The following SPTBN2 variants were observed in gnomAD, a reference collection of about 807,000 sequenced individuals.
SPTBN2 encodes the protein spectrin beta, non-erythrocytic 2, also known as spectrin beta chain, non-erythrocytic 2.
SPTBN2 carries 107 observed loss-of-function variants against 284.2 expected under a neutral mutation model. The observed-to-expected ratio is 0.38, with a 90% CI of 0.32 to 0.44. SPTBN2 has a LOEUF of 0.44. Among genes scored for constraint, SPTBN2 ranks in the 20% least tolerant of loss-of-function variants. SPTBN2 has a pLI of 1.00. For synonymous variants in SPTBN2, 1,289 were observed against 1,354.8 expected (o/e 0.95, Z 1.07); for missense variants, 2,569 against 3,287.1 (o/e 0.78, Z 5.34).
At chr11:66,724,740 T>A (rs1286645161) in intron 1 of SPTBN2, among the ~76,000 whole-genome samples, 2 of 152,180 alleles carry the variant, frequency 1.3e-5, no homozygotes, top group Non-Finnish European at 2.9e-5. Flanking sequence ...TTCAGCTTCA[T>A]GGAACCAGTT....
Position 66,715,419 on chromosome 11 carries a change from G to A in SPTBN2, c.310-24C>T, listed in dbSNP as rs1441738808. 6.2e-7 allele frequency: 1 copy of A among 1,600,456 alleles called. No individual in the cohort carries two copies. Among genetic ancestry groups the A allele is most frequent in the South Asian group, 1.1e-5 (1 of 89,578 alleles). On this transcript the variant is annotated intron_variant, in intron 4 of 37. Coordinates refer to ENST00000533211, the MANE Select transcript of SPTBN2 (RefSeq NM_006946.4). This position sits in a 1 kb window ranked among gnomAD's most constrained non-coding sequence, Gnocchi z 5.3. The stretch of plus-strand genomic sequence containing the variant: ...GGCTGTGGAGGGACGGGGGCAAAAT[G>A]GCACGGGACTGTGGGCTTCCACCTT...
At position 66,696,552 on chromosome 11, in the gene SPTBN2, G is replaced by A. The variant is rs1940925070; in HGVS notation, c.4015-12C>T. On this transcript the variant is annotated splice_polypyrimidine_tract_variant and intron_variant, in intron 20 of 37. Transcript: ENST00000533211. ...AGCTCTCGCCCTTCCTGGAAGGCAGGACAGAAAATGTCAAAGTGCCCAAAT... is the reference window on the plus strand; with the variant it reads ...AGCTCTCGCCCTTCCTGGAAGGCAGAACAGAAAATGTCAAAGTGCCCAAAT... 2 of 1,609,894 alleles carry A rather than the reference G, an allele frequency of 1.2e-6. No homozygotes were observed. The highest frequency in any genetic ancestry group is 1.7e-6 in the Non-Finnish European group (2 of 1,180,008).
Position 66,693,109 on chromosome 11 carries a change from A to C in SPTBN2, c.4855-9T>G. 1 of 1,614,210 alleles carries C rather than the reference A, an allele frequency of 6.2e-7. No individual in the cohort carries two copies. Among genetic ancestry groups the C allele is most frequent in the Non-Finnish European group, 8.5e-7 (1 of 1,180,036 alleles). ...TGGGCACTCAGCTCATCCTGGGGGAAGGGACAGTGGCATCCAGCATCAGGT... is the reference window on the plus strand; with the variant it reads ...TGGGCACTCAGCTCATCCTGGGGGACGGGACAGTGGCATCCAGCATCAGGT... On this transcript the variant is annotated splice_polypyrimidine_tract_variant and intron_variant, in intron 24 of 37. Coordinates refer to ENST00000533211, the MANE Select transcript of SPTBN2 (RefSeq NM_006946.4). This position sits in a 1 kb window ranked among gnomAD's most constrained non-coding sequence, Gnocchi z 5.7.
chr11:66,710,625 G>A lies in SPTBN2; in HGVS notation c.1030C>T (p.Leu344=). ...ANSLSGVQNQ[L]QSFNSYRTVE... ...GTGCGGTAGGAGTTGAAGGACTGCA[G>A]CTGGTTCTGGACCCCGCTAAGGGAG... The change falls in exon 10 of 38, where the codon CTG becomes TTG. Residue 344 remains leucine (L), a synonymous_variant. Transcript: ENST00000533211. The surrounding 1 kb of genome is among the most constrained non-coding windows in gnomAD (Gnocchi z 4.9). 6.2e-7 allele frequency: 1 copy of A among 1,614,108 alleles called. No individual in the cohort carries two copies. The highest frequency in any genetic ancestry group is 1.7e-5 in the Admixed American group (1 of 60,016).
At chr11:66,737,820 AGAGAAGCTAATCAG>A (rs1942864596) in intron 1 of SPTBN2, among the ~76,000 whole-genome samples, 1 of 152,226 alleles carries the variant, frequency 6.6e-6, no homozygotes, top group Non-Finnish European at 1.5e-5. Context: ...AAGGAGGTAG[AGAGAAGCTAATCAG>A]GAGAAGAGGT....
rs1365750271 is a variant in SPTBN2, at chr11:66,690,883, T to A, written c.5565+401A>T. On this transcript the variant is annotated intron_variant, in intron 27 of 37. Coordinates refer to ENST00000533211, the MANE Select transcript of SPTBN2 (RefSeq NM_006946.4). ...CCCAGGCTGGAGTGCAGTGGAGGGA[T>A]CTCAGCTCACTGCAACCTCCGCCTC... Among the ~76,000 whole-genome samples, 5 of 152,208 alleles carry A rather than the reference T, an allele frequency of 3.3e-5. No individual in the cohort carries two copies. The East Asian group carries it at 9.7e-4, about 29-fold the overall frequency.
At chr11:66,744,050 G>C (rs1212142977) in intron 1 of SPTBN2, among the ~76,000 whole-genome samples, 1 of 151,988 alleles carries the variant, frequency 6.6e-6, no homozygotes, top group African/African-American at 2.4e-5. Flanking sequence ...CAGTAGAGAC[G>C]GGGTTTCACC....
In SPTBN2 at chr11:66,687,909, C is replaced by T. The variant is rs1309310010; in HGVS notation, c.6460G>A (p.Gly2154Arg). ...CTGCTGTGCTCAAGTCTCTGTTGTC[C>T]CAGCAGGGGCTGCAAGGACAAGAAT... ...TDGEPSQPLL[G>R]QQRLEHSSFP... is the part of the protein sequence containing the mutation. The change falls in exon 34 of 38, where the codon GGA (glycine) becomes AGA (arginine). Residue 2154 changes from glycine (G) to arginine (R), a missense_variant. Transcript: ENST00000533211. The surrounding 1 kb of genome is among the most constrained non-coding windows in gnomAD (Gnocchi z 5.2). 20 of 1,614,130 alleles carry T rather than the reference C, an allele frequency of 1.2e-5. No homozygotes were observed. The highest frequency in any genetic ancestry group is 1.7e-5 in the Non-Finnish European group (20 of 1,180,026).
intron 8 of SPTBN2, 72 bp from the exon 9 acceptor site, chr11:66,711,101 C>T (rs1941837572): frequency 3.2e-6 from 4 of 1,254,362 alleles, no homozygotes; most frequent in Non-Finnish European, 3.5e-6. Flanking sequence ...ACCCCAAACC[C>T]TGGGCCTGCC....
At chr11:66,709,448 G>A (rs1941744681) in intron 10 of SPTBN2, among the ~76,000 whole-genome samples, 1 of 152,216 alleles carries the variant, frequency 6.6e-6, no homozygotes, top group Admixed American at 6.5e-5. Context: ...AAAGTGCTGG[G>A]ATTACAGGCA....
At chr11:66,694,010 T>G in intron 22 of SPTBN2, 129 bp downstream of exon 22, 1 of 1,329,596 alleles carries the variant, frequency 7.5e-7, no homozygotes, top group Non-Finnish European at 1.1e-6. Flanking sequence ...AGTCTCCCTA[T>G]AGGGGAGATG....
intron 1 of SPTBN2, among the ~76,000 whole-genome samples, chr11:66,724,930 TG>T (rs1449936580): frequency 6.6e-6 from 1 of 152,082 alleles, no homozygotes; most frequent in Non-Finnish European, 1.5e-5. Flanking sequence ...AATGCAGAAT[TG>T]GGGGTTTTGT....
Position 66,689,078 on chromosome 11 carries a change from GCCCC to G in SPTBN2, c.6034+14_6034+17del. ...CCCCCCACTCCCCACAGGGCCTGGG[GCCCC>G]CTTGGCAGCTCACCCAGCTGAAGCC... is the stretch of plus-strand genomic sequence containing the variant. On this transcript the variant is annotated intron_variant, in intron 30 of 37. Coordinates refer to ENST00000533211, the MANE Select transcript of SPTBN2 (RefSeq NM_006946.4). 1 of 1,597,720 alleles carries G rather than the reference GCCCC, an allele frequency of 6.3e-7. No homozygotes were observed. The highest frequency in any genetic ancestry group is 8.5e-7 in the Non-Finnish European group (1 of 1,171,060).
chr11:66,687,227 T>C lies in SPTBN2; in HGVS notation c.6723-60A>G, dbSNP rs930798979. 1.0e-5 allele frequency: 16 copies of C among 1,603,772 alleles called. No homozygotes were observed. The highest frequency in any genetic ancestry group is 7.7e-5 in the South Asian group (7 of 90,466). ...GTGGCGCCCGCAACCTGGAGCCCTC[T>C]TGGGTGTCCTAGGACTTCCAGTTCT... On this transcript the variant is annotated intron_variant, in intron 35 of 37. Transcript: ENST00000533211. This position sits in a 1 kb window ranked among gnomAD's most constrained non-coding sequence, Gnocchi z 5.2.
At chr11:66,739,097 G>A (rs1042745028) in intron 1 of SPTBN2, among the ~76,000 whole-genome samples, 3 of 152,166 alleles carry the variant, frequency 2.0e-5, no homozygotes, top group African/African-American at 4.8e-5. Flanking sequence ...GTGAGCCAAC[G>A]TGCCGGGCCT....
At chr11:66,728,624 AC>A (rs893146510) in intron 1 of SPTBN2, 116 bp downstream of exon 1, 3 of 149,646 alleles carry the variant, frequency 2.0e-5, no homozygotes, top group African/African-American at 7.4e-5. Flanking sequence ...CCGGCTGCCG[AC>A]CCCCAGCCAC....
Position 66,715,894 on chromosome 11 carries a change from T to C in SPTBN2, c.245A>G (p.Tyr82Cys). ...GTTGCGTCCGTCCCGGAGGTCGCTG[T>C]ACAGGTCCCCCACCCGGCACGTGAC... ...ARVTCRVGDL[Y>C]SDLRDGRNLL... Residue 82 changes from tyrosine to cysteine, a missense_variant, in exon 4 of 38, where the codon TAC becomes TGC. Physicochemically the swap from Tyr to Cys is radical, Grantham distance 194. Around this residue, in one of 6 missense-constraint regions of SPTBN2, gnomAD observed 304 missense variants for 522.1 expected, o/e 0.58. Transcript: ENST00000533211. This position sits in a 1 kb window ranked among gnomAD's most constrained non-coding sequence, Gnocchi z 5.3. 1 of 1,614,062 alleles carries C rather than the reference T, an allele frequency of 6.2e-7. No individual in the cohort carries two copies. The highest frequency in any genetic ancestry group is 8.5e-7 in the Non-Finnish European group (1 of 1,180,002).
rs758793150 is a variant in SPTBN2 at position 66,688,769 on chromosome 11, C to T, written c.6115G>A (p.Ala2039Thr). The T allele has an allele frequency of 1.3e-5, 21 of 1,613,222 alleles. No individual in the cohort carries two copies. Among genetic ancestry groups the T allele is most frequent in the South Asian group, 8.8e-5 (8 of 91,090 alleles). ...TCGTCGACCGTGCAACCCAGCTCAG[C>T]GCTGCGCACCAGTGGCTCCTGGCTG... Reference protein sequence around the residue: ...LCSQEPLVRSAELGCTVDEVE... With the variant: ...LCSQEPLVRSTELGCTVDEVE... The change falls in exon 31 of 38, where the codon GCT becomes ACT. Residue 2039 changes from alanine (A) to threonine (T), a missense_variant. Around this residue, in one of 6 missense-constraint regions of SPTBN2, gnomAD observed 1,130 missense variants for 1,317.3 expected, o/e 0.86. Coordinates refer to ENST00000533211, the MANE Select transcript of SPTBN2 (RefSeq NM_006946.4).
At chr11:66,690,359 A>C in intron 27 of SPTBN2, 76 bp from the exon 28 acceptor site, 1 of 1,467,928 alleles carries the variant, frequency 6.8e-7, no homozygotes, top group Non-Finnish European at 9.0e-7. Context: ...CCTGGCTGCC[A>C]CTCTCACCTC....
Sources: allele counts gnomAD v4.1 joint callset (sites outside exome capture counted in the v4.1 genomes callset), GRCh38; gene constraint gnomAD v4.1.1; regional missense constraint gnomAD v4.1.1; non-coding constraint Gnocchi (gnomAD v3.1); transcripts MANE v1.5; gene names NCBI Gene and HGNC (gene_info 2026-07-23, HGNC 2026-07-21).